GPR158: variants seen among roughly 807,000 people sequenced by gnomAD.
The protein encoded by GPR158 is metabotropic glycine receptor.
In GPR158, 30 loss-of-function variants were observed where a neutral mutation model predicts 78.2. That is an observed-to-expected ratio of 0.38 (90% confidence interval 0.29 to 0.52). The LOEUF (loss-of-function observed/expected upper bound fraction) is 0.52. GPR158 is among the 20% of genes least tolerant of loss of function. The pLI, the probability that GPR158 is intolerant of heterozygous loss-of-function variation, is 0.83. For missense variants in GPR158, 1,463 were observed against 1,523.5 expected, an observed-to-expected ratio of 0.96 and a Z score of 0.66; for synonymous variants, 581 against 591.1, an observed-to-expected ratio of 0.98 and a Z score of 0.25.
intron 2 of GPR158, among the ~76,000 whole-genome samples, chr10:25,280,008 G>C (rs1854246155): frequency 6.7e-6 from 1 of 150,118 alleles, no homozygotes; most frequent in South Asian, 2.1e-4. Context: ...TTATGAATTA[G>C]AGGAGAAAAA....
chr10:25,201,841 A>T (rs1247140903), intron 1 of GPR158, among the ~76,000 whole-genome samples: 1 of 152,020 alleles, frequency 6.6e-6, no homozygotes, highest in African/African-American at 2.4e-5. Flanking sequence ...ATCATGATAG[A>T]TGAGCTTCTT....
chr10:25,240,127 C>T (rs1853583545), intron 2 of GPR158, among the ~76,000 whole-genome samples: 1 of 152,128 alleles, frequency 6.6e-6, no homozygotes. Context: ...CATGATAGGT[C>T]ATCCTATATT....
chr10:25,526,358 G>A (rs74124059), intron 5 of GPR158, among the ~76,000 whole-genome samples: 2,821 of 152,238 alleles, frequency 0.019, 86 homozygotes, highest in African/African-American at 0.064. Flanking sequence ...TATGTAGTGT[G>A]TGAAGACTAG....
In GPR158 at chr10:25,598,138, A is replaced by T. The variant is rs750761542; in HGVS notation, c.2512A>T (p.Ser838Cys). ...TEESSSLPTESQEEETTENST... is the reference protein window; with the variant it reads ...TEESSSLPTECQEEETTENST... ...AGAGTCCAGTAGCCTACCCACAGAA[A>T]GCCAAGAGGAGGAGACAACAGAAAA... The change falls in exon 11 of 11, where the codon AGC becomes TGC. Residue 838 changes from serine (S) to cysteine (C), a missense_variant. Ser to Cys is a moderately radical substitution (Grantham distance 112, BLOSUM62 -1). Transcript: ENST00000376351. The T allele has an allele frequency of 1.2e-5, 19 of 1,614,010 alleles. No homozygotes were observed. The highest frequency in any genetic ancestry group is 1.6e-5 in the Non-Finnish European group (19 of 1,180,024).
At chr10:25,560,246 T>A (rs1018244147) in intron 6 of GPR158, among the ~76,000 whole-genome samples, 14 of 152,300 alleles carry the variant, frequency 9.2e-5, no homozygotes, top group Admixed American at 2.0e-4. Context: ...TAGGATTTTT[T>A]AAAATATTTT....
chr10:25,577,381 C>G (rs1837117328), intron 7 of GPR158, among the ~76,000 whole-genome samples: 1 of 152,148 alleles, frequency 6.6e-6, no homozygotes, highest in South Asian at 2.1e-4. Context: ...GGTGGGAAGA[C>G]TTTCTCAAGA....
chr10:25,345,579 C>G (rs1855361476), intron 2 of GPR158, among the ~76,000 whole-genome samples: 1 of 151,942 alleles, frequency 6.6e-6, no homozygotes, highest in African/African-American at 2.4e-5. Context: ...ATTCTCATAT[C>G]CTAGTAATTT....
At chr10:25,347,190 G>A (rs762288233) in intron 2 of GPR158, among the ~76,000 whole-genome samples, 3 of 151,950 alleles carry the variant, frequency 2.0e-5, no homozygotes, top group Non-Finnish European at 4.4e-5. Context: ...TAGGGGAGAA[G>A]TGGTTTCCTT....
At chr10:25,343,607 C>T (rs2130509324) in intron 2 of GPR158, among the ~76,000 whole-genome samples, 1 of 152,038 alleles carries the variant, frequency 6.6e-6, no homozygotes, top group Non-Finnish European at 1.5e-5. Context: ...CTTTAGGGCA[C>T]ATAAAGATAA....
chr10:25,279,053 TCCTA>T (rs912062122), intron 2 of GPR158, among the ~76,000 whole-genome samples: 103 of 152,152 alleles, frequency 6.8e-4, no homozygotes, highest in African/African-American at 2.4e-3. Context: ...AGTTCTAAGA[TCCTA>T]AGATATAAAA....
At chr10:25,454,866 C>G (rs984607014) in intron 4 of GPR158, among the ~76,000 whole-genome samples, 2 of 152,094 alleles carry the variant, frequency 1.3e-5, no homozygotes, top group African/African-American at 2.4e-5. Flanking sequence ...TGAAGAATTT[C>G]TTCTCCCCTT....
chr10:25,486,083 G>T (rs1219134488), intron 5 of GPR158, among the ~76,000 whole-genome samples: 1 of 152,114 alleles, frequency 6.6e-6, no homozygotes, highest in African/African-American at 2.4e-5. Flanking sequence ...CAGCCTCCAG[G>T]ACTCGGAGAA....
chr10:25,384,551 A>T (rs1834197135), intron 2 of GPR158, among the ~76,000 whole-genome samples: 1 of 152,336 alleles, frequency 6.6e-6, no homozygotes, highest in Middle Eastern at 3.4e-3. Context: ...CAAAAATTTT[A>T]AAAAGGCATT....
At chr10:25,235,606 A>C (rs1375491908) in intron 2 of GPR158, among the ~76,000 whole-genome samples, 1 of 151,098 alleles carries the variant, frequency 6.6e-6, no homozygotes, top group Non-Finnish European at 1.5e-5. Context: ...GATTCAAACC[A>C]CCCATATTTC....
At chr10:25,561,084 C>T (rs1288796434) in intron 6 of GPR158, among the ~76,000 whole-genome samples, 3 of 152,074 alleles carry the variant, frequency 2.0e-5, no homozygotes, top group African/African-American at 7.2e-5. Flanking sequence ...TTTCTATCTA[C>T]AAAACCATGC....
At chr10:25,282,761 C>A (rs955537158) in intron 2 of GPR158, among the ~76,000 whole-genome samples, 3 of 152,076 alleles carry the variant, frequency 2.0e-5, no homozygotes, top group African/African-American at 7.2e-5. Flanking sequence ...GCCATTCATA[C>A]ATCTTATTGG....
At chr10:25,255,496 G>A (rs749210263) in intron 2 of GPR158, among the ~76,000 whole-genome samples, 4 of 152,238 alleles carry the variant, frequency 2.6e-5, no homozygotes, top group Non-Finnish European at 5.9e-5. Flanking sequence ...AGCTGGGGCT[G>A]TGGTCTTATC....
At chr10:25,529,165 G>C (rs1836390803) in intron 5 of GPR158, among the ~76,000 whole-genome samples, 2 of 152,044 alleles carry the variant, frequency 1.3e-5, no homozygotes, top group Admixed American at 1.3e-4. Flanking sequence ...GAGGCAGGCG[G>C]ATCACGAGGT....
intron 3 of GPR158, among the ~76,000 whole-genome samples, chr10:25,406,345 A>G (rs1168756357): frequency 6.6e-6 from 1 of 152,146 alleles, no homozygotes; most frequent in African/African-American, 2.4e-5. Flanking sequence ...GAGGGATCCC[A>G]GCAGGATTGA....
Sources: gnomAD v4.1 joint callset for allele counts (sites outside exome capture counted in the v4.1 genomes callset) on GRCh38, gnomAD v4.1.1 for gene constraint, MANE v1.5 for transcripts, NCBI Gene and HGNC (gene_info 2026-07-23, HGNC 2026-07-21) for gene names.